SUCO: variants seen among roughly 807,000 people sequenced by gnomAD.
The protein encoded by SUCO is SUN domain-containing ossification factor.
SUCO carries 57 observed loss-of-function variants against 148.1 expected under a neutral mutation model. The observed-to-expected ratio is 0.38, with a 90% CI of 0.31 to 0.48. The LOEUF (loss-of-function observed/expected upper bound fraction) is 0.48. SUCO is among the 20% of genes least tolerant of loss of function. The pLI is 0.96. For synonymous variants in SUCO, 470 were observed against 502.7 expected (o/e 0.93, Z 0.87); for missense variants, 1,331 against 1,468.2 (o/e 0.91, Z 1.53).
chr1:172,534,919 A>G lies in SUCO; in HGVS notation c.62+1422A>G, dbSNP rs79332436. On this transcript the variant is annotated intron_variant, in intron 1 of 23. Transcript: ENST00000263688. Reference sequence around the variant, plus strand: ...GAAATGGCTAATAAGGAAAAGGTGAACACTTTCATTCAAGTTTAAAAACAC... The same window carrying G: ...GAAATGGCTAATAAGGAAAAGGTGAGCACTTTCATTCAAGTTTAAAAACAC... Among the ~76,000 whole-genome samples the G allele has an allele frequency of 7.2e-3, 1,093 of 152,318 alleles. 9 individuals carry two copies. Among genetic ancestry groups the G allele is most frequent in the African/African-American group, 0.025 (1,040 of 41,560 alleles).
chr1:172,609,249 G>A (rs1658059007), intron 23 of SUCO: 41 of 984,590 alleles, frequency 4.2e-5, no homozygotes, highest in Non-Finnish European at 4.9e-5. Context: ...CAGCAACTCA[G>A]AATGTACTTA....
chr1:172,596,783 C>T (rs1374533009), intron 19 of SUCO, among the ~76,000 whole-genome samples: 1 of 152,216 alleles, frequency 6.6e-6, no homozygotes, highest in Non-Finnish European at 1.5e-5. Flanking sequence ...TCTCAAACTC[C>T]ATGCTTGGAG....
chr1:172,555,450 A>G, intron 3 of SUCO: 1 of 979,168 alleles, frequency 1.0e-6, no homozygotes, highest in Non-Finnish European at 1.2e-6. Flanking sequence ...TGTTACTTGA[A>G]CATATCTTAT....
chr1:172,602,509 A>G (rs1657592934), intron 21 of SUCO, 187 bp from the exon 22 acceptor site: 1 of 983,132 alleles, frequency 1.0e-6, no homozygotes, highest in African/African-American at 1.7e-5. Flanking sequence ...TACTATTTTA[A>G]TACAGTACCT....
At chr1:172,568,971 G>T (rs1016687180) in intron 6 of SUCO, 48 bp from the exon 7 acceptor site, 6 of 1,473,362 alleles carry the variant, frequency 4.1e-6, no homozygotes, top group Non-Finnish European at 5.4e-6. Context: ...AAATTTATTT[G>T]TATTATTTGA....
chr1:172,602,210 C>T lies in SUCO; in HGVS notation c.3165C>T (p.Ser1055=), dbSNP rs751232984. ...SKLPKSNQYP[S]PKRCFSSYDD... is the part of the protein sequence containing the mutation. Reference sequence around the variant, plus strand: ...TTCCTAAAAGTAATCAGTATCCAAGCCCTAAAAGGTAATATCAGCATTATA... The same window carrying T: ...TTCCTAAAAGTAATCAGTATCCAAGTCCTAAAAGGTAATATCAGCATTATA... The change falls in exon 21 of 24, where the codon AGC becomes AGT. Residue 1055 remains serine, a synonymous_variant. Coordinates refer to ENST00000263688, the MANE Select transcript of SUCO (RefSeq NM_014283.5). The T allele has an allele frequency of 3.1e-6, 5 of 1,605,266 alleles. No individual in the cohort carries two copies. In the South Asian group the frequency reaches 5.6e-5, roughly 18 times the overall value.
intron 20 of SUCO, among the ~76,000 whole-genome samples, chr1:172,600,830 A>G (rs995048284): frequency 6.6e-6 from 1 of 152,094 alleles, no homozygotes; most frequent in Non-Finnish European, 1.5e-5. Flanking sequence ...AGGAGTTAGC[A>G]GCCACACATT....
At chr1:172,555,394 T>G (rs2149231777) in intron 3 of SUCO, 2 of 985,378 alleles carry the variant, frequency 2.0e-6, no homozygotes, top group Non-Finnish European at 2.4e-6. Flanking sequence ...AAGGCCCAGG[T>G]CATTCAAGAC....
In SUCO at chr1:172,551,528, G is replaced by A; in HGVS notation, c.79G>A (p.Val27Ile). 6.2e-7 allele frequency: 1 copy of A among 1,605,616 alleles called. No individual in the cohort carries two copies. Among genetic ancestry groups the A allele is most frequent in the Non-Finnish European group, 8.5e-7 (1 of 1,175,784 alleles). Residue 27 changes from valine to isoleucine, a missense_variant, in exon 2 of 24, where the codon GTA (valine) becomes ATA (isoleucine). This residue lies in a region of SUCO where 992 missense variants were observed against 1,093.5 expected (regional missense o/e 0.91). Coordinates refer to ENST00000263688, the MANE Select transcript of SUCO (RefSeq NM_014283.5). ...CSLVWLPSWR[V>I]CCKESSSASA... ...GTTTTACAGGCTTCCCAGCTGGCGT[G>A]TATGTTGTAAAGAGAGTTCTTCAGC...
At chr1:172,548,657 G>C (rs971696645) in intron 1 of SUCO, among the ~76,000 whole-genome samples, 12 of 151,848 alleles carry the variant, frequency 7.9e-5, no homozygotes, top group Admixed American at 6.6e-4. Flanking sequence ...TTGCTTCCAG[G>C]CTTGGGATAT....
chr1:172,545,897 C>T (rs752919583), intron 1 of SUCO, among the ~76,000 whole-genome samples: 5 of 151,998 alleles, frequency 3.3e-5, no homozygotes, highest in African/African-American at 4.8e-5. Flanking sequence ...TCCTTCTGTC[C>T]GTCCGTCCGT....
At chr1:172,584,527 C>T (rs1043281944) in intron 15 of SUCO, 1 of 165,966 alleles carries the variant, frequency 6.0e-6, no homozygotes, top group Non-Finnish European at 1.2e-5. Context: ...AATCCTAGCA[C>T]TTTGAGAGGC....
chr1:172,544,780 T>C (rs1296262454), intron 1 of SUCO, among the ~76,000 whole-genome samples: 3 of 152,180 alleles, frequency 2.0e-5, no homozygotes, highest in East Asian at 3.8e-4. Context: ...TTAAATAGCA[T>C]GTGGAGAGAA....
chr1:172,587,514 CAT>C (rs1208538647), intron 17 of SUCO, among the ~76,000 whole-genome samples: 1 of 151,890 alleles, frequency 6.6e-6, no homozygotes, highest in African/African-American at 2.4e-5. Context: ...TTTTTACTGT[CAT>C]AAATTATTTG....
chr1:172,545,284 G>C (rs1652773447), intron 1 of SUCO, among the ~76,000 whole-genome samples: 1 of 152,188 alleles, frequency 6.6e-6, no homozygotes, highest in South Asian at 2.1e-4. Context: ...TATCACAGAA[G>C]GGTTTTAAGG....
At chr1:172,579,523 C>G (rs1015873297) in intron 15 of SUCO, among the ~76,000 whole-genome samples, 3 of 151,950 alleles carry the variant, frequency 2.0e-5, no homozygotes, top group African/African-American at 7.2e-5. Context: ...GGGACAGATT[C>G]CTTATAGTGA....
At chr1:172,539,316 A>G (rs1298503305) in intron 1 of SUCO, among the ~76,000 whole-genome samples, 2 of 152,182 alleles carry the variant, frequency 1.3e-5, no homozygotes, top group Non-Finnish European at 2.9e-5. Flanking sequence ...CTTGAAACTT[A>G]TCTACATGTT....
intron 16 of SUCO, 143 bp downstream of exon 16, chr1:172,585,229 A>T: frequency 1.3e-6 from 1 of 796,292 alleles, no homozygotes; most frequent in East Asian, 3.1e-5. Flanking sequence ...ACCAATCTTT[A>T]TTATTCATTG....
intron 5 of SUCO, 107 bp downstream of exon 5, chr1:172,557,524 C>G: frequency 6.7e-7 from 1 of 1,502,978 alleles, no homozygotes. Flanking sequence ...TGAGAGAAAG[C>G]TGATCTCTTT....
Sources: gnomAD v4.1 joint callset for allele counts (sites outside exome capture counted in the v4.1 genomes callset) on GRCh38, gnomAD v4.1.1 for gene constraint, gnomAD v4.1.1 regional missense constraint, MANE v1.5 for transcripts, NCBI Gene and HGNC (gene_info 2026-07-23, HGNC 2026-07-21) for gene names.